Variants in ZMAT5 observed in about 807,000 individuals in gnomAD.
ZMAT5 encodes zinc finger matrin-type 5, also known as zinc finger matrin-type protein 5.
In ZMAT5, 23 loss-of-function variants were observed where a neutral mutation model predicts 28.0. That is an observed-to-expected ratio of 0.82 (90% confidence interval 0.59 to 1.16). ZMAT5 has a LOEUF of 1.16. Among genes scored for constraint, ZMAT5 ranks in the 50% most tolerant of loss-of-function variants. The pLI is 0.00. For synonymous variants in ZMAT5, 76 were observed against 84.1 expected (o/e 0.90, Z 0.52); for missense variants, 173 against 212.7 (o/e 0.81, Z 1.16).
chr22:29,742,563 G>T, intron 2 of ZMAT5, 83 bp from the exon 3 acceptor site: 1 of 1,259,862 alleles, frequency 7.9e-7, no homozygotes, highest in South Asian at 1.2e-5. Flanking sequence ...GGGGCATATG[G>T]ACCCTTTATC....
At chr22:29,751,989 C>T (rs558347878) in intron 1 of ZMAT5, among the ~76,000 whole-genome samples, 182 of 152,128 alleles carry the variant, frequency 1.2e-3, no homozygotes, top group Non-Finnish European at 8.2e-4. Context: ...CTCCTTCCAA[C>T]AAATCATAAT....
At chr22:29,741,253 A>C (rs1322572377) in intron 3 of ZMAT5, among the ~76,000 whole-genome samples, 4 of 152,200 alleles carry the variant, frequency 2.6e-5, no homozygotes, top group African/African-American at 7.2e-5. Flanking sequence ...CTTTCAACCA[A>C]GGAGACCAAA....
chr22:29,736,283 C>T (rs935394459), intron 5 of ZMAT5, among the ~76,000 whole-genome samples: 7 of 152,214 alleles, frequency 4.6e-5, no homozygotes, highest in Admixed American at 6.5e-5. Flanking sequence ...CCCCTTTAGA[C>T]GGGACCCTTC....
intron 4 of ZMAT5, 77 bp downstream of exon 4, chr22:29,740,573 G>A: frequency 1.4e-6 from 2 of 1,444,402 alleles, no homozygotes; most frequent in Non-Finnish European, 1.9e-6. Flanking sequence ...GGGAGGCATA[G>A]GCCAGCTTCC....
rs1360726355 is a variant in ZMAT5 at position 29,731,320 on chromosome 22, G to A, written c.418C>T (p.Pro140Ser). The change falls in exon 6 of 6, where the codon CCC becomes TCC. Residue 140 changes from proline (P) to serine (S), a missense_variant. Transcript: ENST00000344318. ...TCCTGAACTGGTGGCCAGCCCACGGGGTACTGGAAGACAGTGGTTCTGATG... is the reference window on the plus strand; with the variant it reads ...TCCTGAACTGGTGGCCAGCCCACGGAGTACTGGAAGACAGTGGTTCTGATG... ...EPIRTTVFQY[P>S]VGWPPVQELP... The A allele has an allele frequency of 1.3e-6, 2 of 1,532,956 alleles. No homozygotes were observed. The highest frequency in any genetic ancestry group is 2.4e-5 in the Admixed American group (1 of 41,260). 95.0% of individuals were successfully genotyped at this position (1,532,956 alleles called of 1,614,324 possible).
chr22:29,735,150 G>T (rs192574933), intron 5 of ZMAT5, among the ~76,000 whole-genome samples: 149 of 152,270 alleles, frequency 9.8e-4, no homozygotes, highest in Non-Finnish European at 2.2e-4. Flanking sequence ...GGGGCTCAAA[G>T]CCCAGGACGG....
At chr22:29,740,581 T>G (rs2067951823) in intron 4 of ZMAT5, 69 bp downstream of exon 4, 2 of 1,483,764 alleles carry the variant, frequency 1.3e-6, no homozygotes, top group Admixed American at 2.0e-5. Context: ...TAGGCCAGCT[T>G]CCCCGGTCTC....
intron 2 of ZMAT5, among the ~76,000 whole-genome samples, chr22:29,745,700 G>A (rs2068003062): frequency 9.9e-5 from 15 of 152,252 alleles, no homozygotes; most frequent in Admixed American, 9.8e-4. Context: ...GTTAGTGAGT[G>A]ACACCTGGGG....
At chr22:29,744,530 C>T (rs1176709062) in intron 2 of ZMAT5, among the ~76,000 whole-genome samples, 1 of 151,932 alleles carries the variant, frequency 6.6e-6, no homozygotes, top group African/African-American at 2.4e-5. Context: ...CCACTGCCTG[C>T]CTTTCCCTGA....
chr22:29,759,652 C>T (rs2068136876), intron 1 of ZMAT5, among the ~76,000 whole-genome samples: 1 of 151,720 alleles, frequency 6.6e-6, no homozygotes, highest in African/African-American at 2.4e-5. Context: ...TGTCTGTAGT[C>T]CTTGCTACTC....
intron 1 of ZMAT5, among the ~76,000 whole-genome samples, chr22:29,766,248 T>C (rs2049503561): frequency 6.6e-6 from 1 of 152,140 alleles, no homozygotes; most frequent in Non-Finnish European, 1.5e-5. Flanking sequence ...TCTACTTCTT[T>C]CCCTCAAACA....
intron 5 of ZMAT5, among the ~76,000 whole-genome samples, chr22:29,734,375 G>A (rs1334594574): frequency 1.3e-5 from 2 of 152,248 alleles, no homozygotes; most frequent in African/African-American, 4.8e-5. Flanking sequence ...TCGGTTCCCC[G>A]AGGTGGGGTG....
chr22:29,751,058 TTA>T (rs1254135577), intron 1 of ZMAT5, among the ~76,000 whole-genome samples: 8 of 152,152 alleles, frequency 5.3e-5, no homozygotes, highest in Admixed American at 6.5e-5. Context: ...GTCAATAAAC[TTA>T]TAGGAATTGG....
At chr22:29,756,927 T>C (rs930749408) in intron 1 of ZMAT5, among the ~76,000 whole-genome samples, 3 of 152,114 alleles carry the variant, frequency 2.0e-5, no homozygotes, top group African/African-American at 7.2e-5. Context: ...TAATCCCAGC[T>C]AGTCGGGAGG....
chr22:29,764,408 G>A (rs2068187628), intron 1 of ZMAT5, among the ~76,000 whole-genome samples: 1 of 152,150 alleles, frequency 6.6e-6, no homozygotes, highest in Admixed American at 6.5e-5. Flanking sequence ...CCCCTAACCT[G>A]GTATTACTGT....
chr22:29,736,070 C>G (rs147759179), intron 5 of ZMAT5, among the ~76,000 whole-genome samples: 16 of 152,296 alleles, frequency 1.1e-4, no homozygotes, highest in African/African-American at 3.8e-4. Flanking sequence ...TGGTGCAACT[C>G]GGTTAGCAGG....
At chr22:29,751,546 G>A (rs1001678824) in intron 1 of ZMAT5, among the ~76,000 whole-genome samples, 1 of 152,294 alleles carries the variant, frequency 6.6e-6, no homozygotes, top group Admixed American at 6.5e-5. Context: ...GACAACCTGT[G>A]GGGGAGGGCC....
intron 2 of ZMAT5, 133 bp from the exon 3 acceptor site, chr22:29,742,613 G>C: frequency 1.2e-6 from 1 of 810,460 alleles, no homozygotes; most frequent in Non-Finnish European, 2.0e-6. Context: ...CCTGTTCCAC[G>C]GAGGAGTGGA....
chr22:29,741,962 C>T (rs2067967076), intron 3 of ZMAT5, among the ~76,000 whole-genome samples: 1 of 152,174 alleles, frequency 6.6e-6, no homozygotes, highest in Non-Finnish European at 1.5e-5. Context: ...CCCTTTATCT[C>T]TCTGACCTAT....
Sources: gnomAD v4.1 joint callset for allele counts (sites outside exome capture counted in the v4.1 genomes callset) on GRCh38, gnomAD v4.1.1 for gene constraint, MANE v1.5 for transcripts, NCBI Gene and HGNC (gene_info 2026-07-23, HGNC 2026-07-21) for gene names.